The following PTPRN2 variants were observed in gnomAD, a reference collection of about 807,000 sequenced individuals.
The protein encoded by PTPRN2 is receptor-type tyrosine-protein phosphatase N2.
A neutral mutation model predicts 118.8 loss-of-function variants in PTPRN2; 74 were observed. The ratio of observed to expected loss-of-function variants is 0.62; its 90% CI spans 0.52 to 0.76. The LOEUF (loss-of-function observed/expected upper bound fraction) is 0.76, where lower values mean the gene tolerates loss of function less well. PTPRN2 is among the 30% of genes least tolerant of loss of function. PTPRN2 has a pLI of 0.00. For missense variants in PTPRN2, 1,481 were observed against 1,394.4 expected, an observed-to-expected ratio of 1.06 and a Z score of -0.99; for synonymous variants, 641 against 608.0, an observed-to-expected ratio of 1.05 and a Z score of -0.80.
intron 3 of PTPRN2, among the ~76,000 whole-genome samples, chr7:158,314,110 A>G (rs752635139): frequency 9.2e-5 from 14 of 152,176 alleles, no homozygotes; most frequent in Non-Finnish European, 1.9e-4. Context: ...TAGCACAGAA[A>G]CGTGATGATG....
chr7:157,955,012 T>A (rs1471674408), intron 11 of PTPRN2, among the ~76,000 whole-genome samples: 1 of 152,182 alleles, frequency 6.6e-6, no homozygotes, highest in Non-Finnish European at 1.5e-5. Flanking sequence ...TTCTGGGTAG[T>A]GTGGGAGTGA....
chr7:157,990,398 G>A lies in PTPRN2; in HGVS notation c.1723+90900C>T, dbSNP rs752709133. Among the ~76,000 whole-genome samples the A allele has an allele frequency of 7.2e-5, 11 of 152,134 alleles. No homozygotes were observed. The highest frequency in any genetic ancestry group is 1.5e-4 in the Non-Finnish European group (10 of 68,014). On this transcript the variant is annotated intron_variant, in intron 11 of 22. Coordinates refer to ENST00000389418, the MANE Select transcript of PTPRN2 (RefSeq NM_002847.5). The surrounding 1 kb of genome is among the most constrained non-coding windows in gnomAD (Gnocchi z 4.3). ...ATGCATCACGGCACCTGCGCACAGG[G>A]GTGGCCTCCAGGGGCTCCAAGTCCT...
chr7:158,294,957 C>T (rs113057492), intron 3 of PTPRN2, among the ~76,000 whole-genome samples: 8 of 124,766 alleles, frequency 6.4e-5, no homozygotes, highest in South Asian at 2.6e-4. Flanking sequence ...TCTGAGGGTC[C>T]AAGCCCACGG....
intron 11 of PTPRN2, among the ~76,000 whole-genome samples, chr7:158,047,907 C>T (rs1224072859): frequency 1.3e-5 from 2 of 152,142 alleles, no homozygotes; most frequent in East Asian, 1.9e-4. Context: ...ATGAACAGGG[C>T]AGTGCAAGGT....
At chr7:158,572,934 T>A (rs1178122265) in intron 1 of PTPRN2, among the ~76,000 whole-genome samples, 1 of 152,224 alleles carries the variant, frequency 6.6e-6, no homozygotes, top group Non-Finnish European at 1.5e-5. Context: ...CTGAATGATT[T>A]ACATTTTATT....
Position 157,929,003 on chromosome 7 carries a change from G to A in PTPRN2, c.1724-30266C>T, listed in dbSNP as rs1799196502. Among the ~76,000 whole-genome samples, 2 of 152,148 alleles carry A rather than the reference G, an allele frequency of 1.3e-5. No homozygotes were observed. The highest frequency in any genetic ancestry group is 4.8e-5 in the African/African-American group (2 of 41,430). On this transcript the variant is annotated intron_variant, in intron 11 of 22. Coordinates refer to ENST00000389418, the MANE Select transcript of PTPRN2 (RefSeq NM_002847.5). This position sits in a 1 kb window ranked among gnomAD's most constrained non-coding sequence, Gnocchi z 4.4. ...CCACGTCCAGAACGTCAGGGCAGGA[G>A]GGGACATGGAGATGGTTTAACCTCA...
At position 158,548,204 on chromosome 7, in the gene PTPRN2, A is replaced by G. The variant is rs112801616; in HGVS notation, c.112+39354T>C. On this transcript the variant is annotated intron_variant, in intron 1 of 22. Coordinates refer to ENST00000389418, the MANE Select transcript of PTPRN2 (RefSeq NM_002847.5). ...GGAGATCAGGATCCTGTCACAATGT[A>G]AGGTCATCTGTGCCTAGTGGATCAG... Among the ~76,000 whole-genome samples the G allele has an allele frequency of 7.6e-3, 1,153 of 152,322 alleles. 12 individuals carry two copies. The highest frequency in any genetic ancestry group is 0.026 in the African/African-American group (1,088 of 41,572).
rs572931706 is a variant in PTPRN2, at chr7:157,903,091, C to A, written c.1724-4354G>T. On this transcript the variant is annotated intron_variant, in intron 11 of 22. Transcript: ENST00000389418. The surrounding 1 kb of genome is among the most constrained non-coding windows in gnomAD (Gnocchi z 4.2). ...AAAGCCACACGCTGCCACACACTCT[C>A]ACACGGAAGCAGGAACCAGACATCA... is the stretch of plus-strand genomic sequence containing the variant. Among the ~76,000 whole-genome samples the A allele has an allele frequency of 7.2e-5, 11 of 152,260 alleles. No individual in the cohort carries two copies. In the South Asian group the frequency reaches 2.3e-3, roughly 32 times the overall value.
rs760408441 is a variant in PTPRN2 at position 157,968,596 on chromosome 7, G to A, written c.1724-69859C>T. ...TGTCTGCGACCACTCAGCAGGTGCCGGCTGGGGCTGGGCTCCTCAGACCTG... is the reference window on the plus strand; with the variant it reads ...TGTCTGCGACCACTCAGCAGGTGCCAGCTGGGGCTGGGCTCCTCAGACCTG... On this transcript the variant is annotated intron_variant, in intron 11 of 22. Coordinates refer to ENST00000389418, the MANE Select transcript of PTPRN2 (RefSeq NM_002847.5). 1.2e-4 allele frequency among the ~76,000 whole-genome samples: 19 copies of A among 152,298 alleles called. 1 individual carries two copies. The highest frequency in any genetic ancestry group is 2.6e-4 in the Admixed American group (4 of 15,300).
rs547298246 is a variant in PTPRN2, at chr7:158,141,060, C to T, written c.911-2545G>A. 3.9e-5 allele frequency among the ~76,000 whole-genome samples: 6 copies of T among 152,240 alleles called. No individual in the cohort carries two copies. In the South Asian group the frequency reaches 8.3e-4, roughly 21 times the overall value. ...GACCCTCCACTGTAGGGGGGTCCCG[C>T]TGCCACCCTCCACGCTAGAGGGGTC... On this transcript the variant is annotated intron_variant, in intron 6 of 22. Transcript: ENST00000389418.
At position 158,526,669 on chromosome 7, in the gene PTPRN2, G is replaced by A. The variant is rs1456056179; in HGVS notation, c.113-36884C>T. ...AAAGAGGTGATTTCAGTAAAACGAG[G>A]TCGCCGGATGGGCCCGGATCCAGGC... is the stretch of plus-strand genomic sequence containing the variant. On this transcript the variant is annotated intron_variant, in intron 1 of 22. Coordinates refer to ENST00000389418, the MANE Select transcript of PTPRN2 (RefSeq NM_002847.5). The surrounding 1 kb of genome is among the most constrained non-coding windows in gnomAD (Gnocchi z 5.2). Among the ~76,000 whole-genome samples the A allele has an allele frequency of 1.3e-5, 2 of 152,144 alleles. No individual in the cohort carries two copies. The highest frequency in any genetic ancestry group is 2.9e-5 in the Non-Finnish European group (2 of 68,036).
In PTPRN2 at chr7:158,072,012, G is replaced by A. The variant is rs562933106; in HGVS notation, c.1723+9286C>T. On this transcript the variant is annotated intron_variant, in intron 11 of 22. Transcript: ENST00000389418. ...GCTCGTGGTGGTGGAGGTGCTCGTC[G>A]TATGGAGGTGCTCATGGTGGAGGTG... is the stretch of plus-strand genomic sequence containing the variant. 2.1e-3 allele frequency among the ~76,000 whole-genome samples: 215 copies of A among 100,764 alleles called. 1 individual carries two copies. The highest frequency in any genetic ancestry group is 3.3e-3 in the Non-Finnish European group (168 of 51,340). The allele number at this position is 100,764 out of a possible 152,430, so 66.1% of individuals were successfully genotyped here. A position where few individuals can be genotyped will look rare whatever the true frequency, so the allele number is the denominator to read the frequency against.
At chr7:157,639,233 C>G (rs1011121857) in intron 14 of PTPRN2, among the ~76,000 whole-genome samples, 2 of 152,082 alleles carry the variant, frequency 1.3e-5, no homozygotes, top group Non-Finnish European at 2.9e-5. Flanking sequence ...GATGGGGTTT[C>G]GCCTGTTGGC....
In PTPRN2 at chr7:157,540,066, G is replaced by C. The variant is rs1310882166; in HGVS notation, c.*648C>G. ...GTGGGCACTACTCATGGGGTGCACA[G>C]GTGTCTGCCCCCGGGGAGCCCCTGA... On this transcript the variant is annotated 3_prime_UTR_variant, in exon 23 of 23. Coordinates refer to ENST00000389418, the MANE Select transcript of PTPRN2 (RefSeq NM_002847.5). The C allele has an allele frequency of 6.6e-6, 1 of 152,268 alleles. No homozygotes were observed. The highest frequency in any genetic ancestry group is 1.5e-5 in the Non-Finnish European group (1 of 68,100). 9.4% of individuals were successfully genotyped at this position (152,268 alleles called of 1,614,324 possible). A position where few individuals can be genotyped will look rare whatever the true frequency, so the allele number is the denominator to read the frequency against.
intron 12 of PTPRN2, among the ~76,000 whole-genome samples, chr7:157,830,948 C>T (rs771725412): frequency 3.3e-5 from 5 of 152,148 alleles, no homozygotes; most frequent in South Asian, 2.1e-4. Context: ...CTGCACCTCA[C>T]GGGGAAGTTT....
rs529672455 is a variant in PTPRN2 at position 158,164,848 on chromosome 7, G to C, written c.910+2083C>G. Among the ~76,000 whole-genome samples the C allele has an allele frequency of 9.8e-5, 15 of 152,290 alleles. No individual in the cohort carries two copies. In the South Asian group the frequency reaches 1.9e-3, roughly 19 times the overall value. On this transcript the variant is annotated intron_variant, in intron 6 of 22. Transcript: ENST00000389418. ...GCCGGTGCCGGGGAGGGGCAAGGAA[G>C]GCTGAGATGAGAAGCTGAAGGTCAC... is the stretch of plus-strand genomic sequence containing the variant.
intron 12 of PTPRN2, among the ~76,000 whole-genome samples, chr7:157,858,148 C>CCCA (rs1385887998): frequency 6.5e-4 from 23 of 35,378 alleles, no homozygotes; most frequent in South Asian, 1.1e-3. Flanking sequence ...GGGAGAGCCC[C>CCCA]GTCACCACCC....
Position 158,489,797 on chromosome 7 carries a change from C to A in PTPRN2, c.113-12G>T. On this transcript the variant is annotated splice_polypyrimidine_tract_variant and intron_variant, in intron 1 of 22. Transcript: ENST00000389418. ...CTCGAGCAGGCAGCCTGCGGGGAAACAGAGAAGAGACGCGGTCAGCTGGAG... is the reference window on the plus strand; with the variant it reads ...CTCGAGCAGGCAGCCTGCGGGGAAAAAGAGAAGAGACGCGGTCAGCTGGAG... 6.4e-7 allele frequency: 1 copy of A among 1,569,888 alleles called. No homozygotes were observed. The highest frequency in any genetic ancestry group is 1.7e-4 in the Middle Eastern group (1 of 5,748).
chr7:158,474,051 C>G (rs1820063203), intron 2 of PTPRN2, among the ~76,000 whole-genome samples: 1 of 152,122 alleles, frequency 6.6e-6, no homozygotes, highest in Non-Finnish European at 1.5e-5. Flanking sequence ...CTTAGGAGAC[C>G]AAAAGCAAAA....
Sources: allele counts gnomAD v4.1 joint callset (sites outside exome capture counted in the v4.1 genomes callset), GRCh38; gene constraint gnomAD v4.1.1; non-coding constraint Gnocchi (gnomAD v3.1); transcripts MANE v1.5; gene names NCBI Gene and HGNC (gene_info 2026-07-23, HGNC 2026-07-21).